Variants in HIVEP2 observed in about 807,000 individuals in gnomAD.
HIVEP2 encodes the protein transcription factor HIVEP2.
Under a neutral mutation model 180.7 loss-of-function variants are expected in HIVEP2, and 14 were observed. That is an observed-to-expected ratio of 0.08 (90% CI 0.05 to 0.12). The LOEUF (loss-of-function observed/expected upper bound fraction) is 0.12. Ranked by LOEUF, HIVEP2 falls within the 10% of genes least tolerant of loss-of-function variation. The pLI, the probability that HIVEP2 is intolerant of heterozygous loss-of-function variation, is 1.00. For synonymous variants in HIVEP2, 1,184 were observed against 1,136.4 expected (o/e 1.04, Z -0.84); for missense variants, 2,579 against 3,008.5 (o/e 0.86, Z 3.34).
intron 7 of HIVEP2, among the ~76,000 whole-genome samples, chr6:142,763,012 G>A (rs1476854587): frequency 6.6e-6 from 1 of 152,192 alleles, no homozygotes; most frequent in Non-Finnish European, 1.5e-5. Flanking sequence ...TTGTGCCAGA[G>A]TGCAAGTACG....
At chr6:142,829,541 G>A (rs1216814228) in intron 2 of HIVEP2, among the ~76,000 whole-genome samples, 1 of 152,120 alleles carries the variant, frequency 6.6e-6, no homozygotes, top group Non-Finnish European at 1.5e-5. Context: ...TTATATCCAA[G>A]TCAGGTATGT....
intron 1 of HIVEP2, among the ~76,000 whole-genome samples, chr6:142,842,081 T>A (rs944853645): frequency 1.3e-5 from 2 of 152,194 alleles, no homozygotes; most frequent in Non-Finnish European, 2.9e-5. Context: ...GTAACCATTC[T>A]ATTCCTTAGA....
chr6:142,905,925 G>A (rs1562286667), intron 1 of HIVEP2, among the ~76,000 whole-genome samples: 1 of 152,104 alleles, frequency 6.6e-6, no homozygotes, highest in African/African-American at 2.4e-5. Flanking sequence ...CTGGAAGTCA[G>A]GAGTTCGAGA....
intron 3 of HIVEP2, among the ~76,000 whole-genome samples, chr6:142,782,931 C>G (rs534745387): frequency 2.0e-5 from 3 of 152,150 alleles, no homozygotes; most frequent in African/African-American, 7.2e-5. Flanking sequence ...GATGTTTTCT[C>G]ATTATACAGC....
At chr6:142,822,840 G>A (rs966129138) in intron 2 of HIVEP2, among the ~76,000 whole-genome samples, 1 of 152,154 alleles carries the variant, frequency 6.6e-6, no homozygotes, top group Non-Finnish European at 1.5e-5. Context: ...GTGAGGGAAG[G>A]AACACTTATT....
chr6:142,922,622 A>C (rs1324159575), intron 1 of HIVEP2, among the ~76,000 whole-genome samples: 1 of 152,104 alleles, frequency 6.6e-6, no homozygotes, highest in Admixed American at 6.5e-5. Context: ...TAAGGGGATA[A>C]ACGTAACTTG....
chr6:142,906,370 C>G (rs895122268), intron 1 of HIVEP2, among the ~76,000 whole-genome samples: 1 of 151,738 alleles, frequency 6.6e-6, no homozygotes, highest in Non-Finnish European at 1.5e-5. Flanking sequence ...ATATAAAAAG[C>G]TCATAGAAAC....
intron 2 of HIVEP2, among the ~76,000 whole-genome samples, chr6:142,803,777 A>C (rs1264219123): frequency 6.6e-6 from 1 of 152,090 alleles, no homozygotes; most frequent in Non-Finnish European, 1.5e-5. Flanking sequence ...CAAGGGCCAC[A>C]ATTCACTCCC....
intron 3 of HIVEP2, among the ~76,000 whole-genome samples, chr6:142,782,130 G>T (rs1013728340): frequency 6.6e-6 from 1 of 152,206 alleles, no homozygotes; most frequent in East Asian, 1.9e-4. Flanking sequence ...ATGGTCACTT[G>T]GTCTTTTCTT....
intron 1 of HIVEP2, among the ~76,000 whole-genome samples, chr6:142,939,191 A>C (rs532665911): frequency 1.4e-4 from 21 of 152,238 alleles, no homozygotes; most frequent in Admixed American, 9.8e-4. Context: ...TATTTTAATC[A>C]CTTTTGTTAC....
At chr6:142,789,974 T>G (rs1394205780) in intron 2 of HIVEP2, among the ~76,000 whole-genome samples, 2 of 152,286 alleles carry the variant, frequency 1.3e-5, no homozygotes, top group East Asian at 3.9e-4. Context: ...ATAATCAATT[T>G]CCATAAGCAG....
At chr6:142,814,734 T>C (rs1416304136) in intron 2 of HIVEP2, among the ~76,000 whole-genome samples, 1 of 152,106 alleles carries the variant, frequency 6.6e-6, no homozygotes, top group Middle Eastern at 3.2e-3. Context: ...TTCTTTGGGC[T>C]ATTTATGCAG....
intron 2 of HIVEP2, among the ~76,000 whole-genome samples, chr6:142,803,451 A>G (rs1285822874): frequency 6.6e-6 from 1 of 152,086 alleles, no homozygotes; most frequent in Non-Finnish European, 1.5e-5. Context: ...GATTTCACCT[A>G]CACTACGTGG....
intron 1 of HIVEP2, among the ~76,000 whole-genome samples, chr6:142,923,374 A>C (rs752566034): frequency 3.3e-5 from 5 of 152,222 alleles, no homozygotes; most frequent in Non-Finnish European, 5.9e-5. Flanking sequence ...GTGAACAATA[A>C]GATAAGCATG....
At position 142,771,577 on chromosome 6, in the gene HIVEP2, C is replaced by A. The variant is rs1775545189; in HGVS notation, c.3162G>T (p.Gly1054=). The change falls in exon 5 of 10, where the codon GGG becomes GGT. Residue 1054 remains glycine, a synonymous_variant. Transcript: ENST00000367603. The surrounding 1 kb of genome is among the most constrained non-coding windows in gnomAD (Gnocchi z 5.4). ...PEVRSKSFDY[G]NLSHAPVSGA... ...CCGACACAGGAGCATGGGACAGATT[C>A]CCATAATCAAATGATTTGCTCCGAA... The A allele has an allele frequency of 1.9e-6, 3 of 1,613,940 alleles. No homozygotes were observed. In the South Asian group the frequency reaches 3.3e-5, roughly 18 times the overall value.
Position 142,753,179 on chromosome 6 carries a change from G to T in HIVEP2, c.7269C>A (p.His2423Gln), listed in dbSNP as rs1011590423. 6.2e-7 allele frequency: 1 copy of T among 1,613,910 alleles called. No homozygotes were observed. Among genetic ancestry groups the T allele is most frequent in the Admixed American group, 1.7e-5 (1 of 60,032 alleles). ...SCVDDKQLDFHSSKELSSSTE... is the reference protein window; with the variant it reads ...SCVDDKQLDFQSSKELSSSTE... ...TGCTTGAAGATAATTCCTTGCTGCT[G>T]TGAAAGTCCAACTGCTTGTCATCCA... Residue 2423 changes from histidine to glutamine, a missense_variant, in exon 10 of 10, where the codon CAC becomes CAA. Coordinates refer to ENST00000367603, the MANE Select transcript of HIVEP2 (RefSeq NM_006734.4).
At chr6:142,918,214 T>C (rs1174840359) in intron 1 of HIVEP2, among the ~76,000 whole-genome samples, 2 of 151,188 alleles carry the variant, frequency 1.3e-5, no homozygotes, top group African/African-American at 4.9e-5. Context: ...TATTTACTTT[T>C]ATTTATTTAT....
chr6:142,925,870 T>G (rs918092621), intron 1 of HIVEP2, among the ~76,000 whole-genome samples: 1 of 152,254 alleles, frequency 6.6e-6, no homozygotes, highest in Non-Finnish European at 1.5e-5. Flanking sequence ...AACTCTTTGA[T>G]GTAAGAAACC....
At chr6:142,788,591 T>A (rs1474996585) in intron 2 of HIVEP2, 2 of 152,412 alleles carry the variant, frequency 1.3e-5, no homozygotes, top group African/African-American at 4.8e-5. Context: ...CTGGAACCTG[T>A]AATCCCAACT....
Sources: allele counts gnomAD v4.1 joint callset (sites outside exome capture counted in the v4.1 genomes callset), GRCh38; gene constraint gnomAD v4.1.1; non-coding constraint Gnocchi (gnomAD v3.1); transcripts MANE v1.5; gene names NCBI Gene and HGNC (gene_info 2026-07-23, HGNC 2026-07-21).